CLSTN2: variants seen among roughly 807,000 people sequenced by gnomAD.
CLSTN2 encodes calsyntenin 2.
In CLSTN2, 48 loss-of-function variants were observed where a neutral mutation model predicts 101.2. The ratio of observed to expected loss-of-function variants is 0.47; its 90% CI spans 0.38 to 0.60. CLSTN2 has a LOEUF of 0.60. Among genes scored for constraint, CLSTN2 ranks in the 20% least tolerant of loss-of-function variants. The probability of loss-of-function intolerance (pLI) is 0.00; values close to 1 mark genes in which losing one functional copy is unlikely to be tolerated. For missense variants in CLSTN2, 1,160 were observed against 1,238.2 expected (o/e 0.94, Z 0.95); for synonymous variants, 481 against 463.6 (o/e 1.04, Z -0.48).
intron 5 of CLSTN2, among the ~76,000 whole-genome samples, chr3:140,433,641 AG>A (rs1451024081): frequency 2.0e-5 from 3 of 152,236 alleles, no homozygotes; most frequent in Non-Finnish European, 4.4e-5. Context: ...ACATTGGATA[AG>A]TCAGTGAACC....
chr3:139,993,377 G>C (rs912738392), intron 1 of CLSTN2, among the ~76,000 whole-genome samples: 2 of 152,074 alleles, frequency 1.3e-5, no homozygotes, highest in Non-Finnish European at 2.9e-5. Context: ...TTGTACTGTC[G>C]ACCCCTGTCC....
At chr3:140,102,735 A>G (rs1003582895) in intron 1 of CLSTN2, among the ~76,000 whole-genome samples, 6 of 152,154 alleles carry the variant, frequency 3.9e-5, no homozygotes, top group Non-Finnish European at 8.8e-5. Context: ...GAGACTTGGA[A>G]AGAGAACTCT....
At chr3:140,235,922 G>A (rs550050961) in intron 2 of CLSTN2, among the ~76,000 whole-genome samples, 1 of 152,236 alleles carries the variant, frequency 6.6e-6, no homozygotes, top group East Asian at 1.9e-4. Context: ...AACAGCAGTG[G>A]GAATAAAGCT....
At chr3:140,084,922 T>A (rs2008656380) in intron 1 of CLSTN2, among the ~76,000 whole-genome samples, 1 of 152,260 alleles carries the variant, frequency 6.6e-6, no homozygotes, top group Admixed American at 6.5e-5. Context: ...ACTGAATGTG[T>A]GTGCATACAC....
chr3:140,466,406 T>C (rs534395), intron 7 of CLSTN2, among the ~76,000 whole-genome samples: 97,712 of 151,940 alleles, frequency 0.64, 31,556 homozygotes, highest in Middle Eastern at 0.74. Context: ...GGCTGTGGGT[T>C]TTCCTGAGTC....
At chr3:140,364,121 C>T (rs2087759276) in intron 2 of CLSTN2, among the ~76,000 whole-genome samples, 1 of 152,102 alleles carries the variant, frequency 6.6e-6, no homozygotes. Flanking sequence ...TTTAATGAGT[C>T]CTCCATCTTA....
chr3:140,448,774 T>A, intron 6 of CLSTN2, 70 bp downstream of exon 6: 1 of 1,342,350 alleles, frequency 7.4e-7, no homozygotes, highest in Non-Finnish European at 1.1e-6. Context: ...AAAGCATATC[T>A]TATTGTCTTA....
At chr3:140,006,799 A>G (rs1311899799) in intron 1 of CLSTN2, among the ~76,000 whole-genome samples, 1 of 150,850 alleles carries the variant, frequency 6.6e-6, no homozygotes, top group Non-Finnish European at 1.5e-5. Flanking sequence ...TGTCTGGTTT[A>G]TTATTGGTAC....
chr3:140,521,173 T>G (rs1935020128), intron 8 of CLSTN2, among the ~76,000 whole-genome samples: 1 of 146,576 alleles, frequency 6.8e-6, no homozygotes, highest in Non-Finnish European at 1.5e-5. Context: ...TCGGTGCCCT[T>G]GCTGGAGAGG....
chr3:140,129,096 G>T (rs2009482146), intron 1 of CLSTN2, among the ~76,000 whole-genome samples: 1 of 152,082 alleles, frequency 6.6e-6, no homozygotes, highest in South Asian at 2.1e-4. Context: ...GGCCATCTCA[G>T]TTTCCCCTGA....
chr3:140,163,433 C>CACACACACACAA (rs2010083837), intron 1 of CLSTN2, among the ~76,000 whole-genome samples: 1 of 151,844 alleles, frequency 6.6e-6, no homozygotes, highest in African/African-American at 2.4e-5. Context: ...CACACACACA[C>CACACACACACAA]ACACACACAC....
At chr3:140,062,837 C>T (rs531927720) in intron 1 of CLSTN2, among the ~76,000 whole-genome samples, 1 of 152,306 alleles carries the variant, frequency 6.6e-6, no homozygotes, top group East Asian at 1.9e-4. Context: ...CTTAAACACC[C>T]TGGTTTTTAT....
intron 2 of CLSTN2, among the ~76,000 whole-genome samples, chr3:140,392,712 C>T (rs1478875801): frequency 1.3e-5 from 2 of 151,256 alleles, no homozygotes; most frequent in Non-Finnish European, 2.9e-5. Flanking sequence ...CCTAAAGACA[C>T]TAGTGATGAG....
chr3:140,466,512 T>C, intron 7 of CLSTN2, 98 bp from the exon 8 acceptor site: 1 of 1,455,170 alleles, frequency 6.9e-7, no homozygotes, highest in South Asian at 1.2e-5. Context: ...CATGCCTTTG[T>C]CCTCTGTGCT....
In CLSTN2 at chr3:140,430,521, C is replaced by T. The variant is rs140565694; in HGVS notation, c.787+9247C>T. On this transcript the variant is annotated intron_variant, in intron 5 of 16. Coordinates refer to ENST00000458420, the MANE Select transcript of CLSTN2 (RefSeq NM_022131.3). ...GCCACACTCATTAGTTCACATAGTGCCTATGGTTACCCTACAGCAGCAGAG... is the reference window on the plus strand; with the variant it reads ...GCCACACTCATTAGTTCACATAGTGTCTATGGTTACCCTACAGCAGCAGAG... 2.0e-5 allele frequency among the ~76,000 whole-genome samples: 3 copies of T among 152,312 alleles called. No homozygotes were observed. In the East Asian group the frequency reaches 5.8e-4, roughly 29 times the overall value.
intron 1 of CLSTN2, among the ~76,000 whole-genome samples, chr3:140,030,605 T>C (rs2007526639): frequency 6.6e-6 from 1 of 152,166 alleles, no homozygotes; most frequent in Admixed American, 6.5e-5. Context: ...TTTTTACCAC[T>C]GAGGAAACAG....
At chr3:140,021,143 A>G (rs1455764200) in intron 1 of CLSTN2, among the ~76,000 whole-genome samples, 1 of 152,166 alleles carries the variant, frequency 6.6e-6, no homozygotes, top group Non-Finnish European at 1.5e-5. Flanking sequence ...GGGTTTCCCC[A>G]GGTCTCCGTC....
intron 1 of CLSTN2, among the ~76,000 whole-genome samples, chr3:140,140,937 C>T (rs936750255): frequency 3.3e-5 from 5 of 152,128 alleles, no homozygotes; most frequent in South Asian, 4.1e-4. Context: ...TTATGGCCTC[C>T]GTCAGGGAAG....
At chr3:140,315,581 C>T (rs1329246810) in intron 2 of CLSTN2, among the ~76,000 whole-genome samples, 1 of 152,144 alleles carries the variant, frequency 6.6e-6, no homozygotes, top group Non-Finnish European at 1.5e-5. Context: ...AAATGTGAGA[C>T]CTTCCATTGT....
Sources: allele counts gnomAD v4.1 joint callset (sites outside exome capture counted in the v4.1 genomes callset), GRCh38; gene constraint gnomAD v4.1.1; transcripts MANE v1.5; gene names NCBI Gene and HGNC (gene_info 2026-07-23, HGNC 2026-07-21).